Variants in SUPT6H observed in about 807,000 individuals in gnomAD.
The protein encoded by SUPT6H is SPT6 homolog, histone chaperone and transcription elongation factor, also known as transcription elongation factor SPT6.
Under a neutral mutation model 222.3 loss-of-function variants are expected in SUPT6H, and 11 were observed. That is an observed-to-expected ratio of 0.05 (90% CI 0.03 to 0.08). The LOEUF (loss-of-function observed/expected upper bound fraction) is 0.08. Ranked by LOEUF, SUPT6H falls within the 10% of genes least tolerant of loss-of-function variation. SUPT6H has a pLI of 1.00. For synonymous variants in SUPT6H, 762 were observed against 801.2 expected, an observed-to-expected ratio of 0.95 and a Z score of 0.83; for missense variants, 1,422 against 2,216.0, an observed-to-expected ratio of 0.64 and a Z score of 7.19.
intron 4 of SUPT6H, 107 bp from the exon 5 acceptor site, chr17:28,674,863 C>T (rs1327855787): frequency 3.7e-6 from 5 of 1,355,142 alleles, no homozygotes; most frequent in East Asian, 4.7e-5. Flanking sequence ...TTTCCCATCT[C>T]TCTTGGTCAG....
chr17:28,664,479 TG>T, intron 1 of SUPT6H, among the ~76,000 whole-genome samples: 1 of 152,228 alleles, frequency 6.6e-6, no homozygotes, highest in Admixed American at 6.5e-5. Context: ...CACTCCAGCA[TG>T]GGCAACAGAA....
At chr17:28,681,063 A>G (rs66583794) in intron 11 of SUPT6H, 193 bp from the exon 12 acceptor site, 56,609 of 574,004 alleles carry the variant, frequency 0.099, 3,181 homozygotes, top group East Asian at 0.15. Flanking sequence ...TGATCATCCC[A>G]TCTCCAGTCT....
chr17:28,678,755 G>A, intron 10 of SUPT6H, 66 bp from the exon 11 acceptor site: 1 of 1,612,986 alleles, frequency 6.2e-7, no homozygotes, highest in Non-Finnish European at 8.5e-7. Flanking sequence ...TTCTGGTAAG[G>A]ATCAGAGCAG....
chr17:28,686,553 C>G (rs939723202), intron 20 of SUPT6H, 101 bp from the exon 21 acceptor site: 1 of 1,540,096 alleles, frequency 6.5e-7, no homozygotes, highest in African/African-American at 1.4e-5. Flanking sequence ...ACCTCATTTT[C>G]TTCAAAGCCC....
chr17:28,685,058 A>G, intron 19 of SUPT6H, 97 bp downstream of exon 19: 1 of 1,175,674 alleles, frequency 8.5e-7, no homozygotes. Flanking sequence ...ATCCTATGCA[A>G]GACTGATTGT....
chr17:28,699,239 G>T (rs1030009145), intron 32 of SUPT6H, among the ~76,000 whole-genome samples: 2 of 152,198 alleles, frequency 1.3e-5, no homozygotes, highest in Admixed American at 1.3e-4. Flanking sequence ...GACAAATGAA[G>T]CAGAGATTCA....
At chr17:28,684,988 GTGTACATC>G in intron 19 of SUPT6H, 27 bp downstream of exon 19, 2 of 1,589,962 alleles carry the variant, frequency 1.3e-6, no homozygotes, top group Non-Finnish European at 1.7e-6. Flanking sequence ...AGGATACTAA[GTGTACATC>G]TGGAGTATGT....
chr17:28,697,078 G>A lies in SUPT6H; in HGVS notation c.4205G>A (p.Ser1402Asn), dbSNP rs149864735. The change falls in exon 30 of 37, where the codon AGT becomes AAT. Residue 1402 changes from serine (S) to asparagine (N), a missense_variant. Physicochemically the swap from Ser to Asn is conservative, Grantham distance 46. Coordinates refer to ENST00000314616, the MANE Select transcript of SUPT6H (RefSeq NM_003170.5). ...FSLGATLWIN[S>N]EEFEDLDEIV... is the part of the protein sequence containing the mutation. The stretch of plus-strand genomic sequence containing the variant: ...CTGGGAGCCACTCTGTGGATCAACA[G>A]TGAGGTGAGAGCCAGTGCCTGCCCA... 2 of 1,613,836 alleles carry A rather than the reference G, an allele frequency of 1.2e-6. No homozygotes were observed. Among genetic ancestry groups the A allele is most frequent in the Admixed American group, 1.7e-5 (1 of 59,996 alleles).
Position 28,697,090 on chromosome 17 carries a change from C to T in SUPT6H, c.4209+8C>T. 2 of 1,610,976 alleles carry T rather than the reference C, an allele frequency of 1.2e-6. No individual in the cohort carries two copies. Among genetic ancestry groups the T allele is most frequent in the Non-Finnish European group, 1.7e-6 (2 of 1,177,358 alleles). On this transcript the variant is annotated splice_region_variant and intron_variant, in intron 30 of 36. Coordinates refer to ENST00000314616, the MANE Select transcript of SUPT6H (RefSeq NM_003170.5). ...CTGTGGATCAACAGTGAGGTGAGAG[C>T]CAGTGCCTGCCCACCTCCCATCCCA...
At position 28,684,927 on chromosome 17, in the gene SUPT6H, G is replaced by A. The variant is rs199597434; in HGVS notation, c.2453G>A (p.Arg818Gln). Residue 818 changes from arginine to glutamine, a missense_variant, in exon 19 of 37, where the codon CGA becomes CAA. By Grantham distance (43) the Arg-to-Gln change is conservative (BLOSUM62 1). Transcript: ENST00000314616. The part of the protein sequence containing the change: ...FLRLPHFTKR[R>Q]TAWREEEREK... ...CGACTGCCCCATTTTACCAAACGGC[G>A]AACTGCATGGAGAGAGGAAGAGCGG... The A allele has an allele frequency of 2.7e-5, 44 of 1,614,150 alleles. No individual in the cohort carries two copies. The highest frequency in any genetic ancestry group is 3.4e-5 in the Non-Finnish European group (40 of 1,180,040).
rs1222388593 is a variant in SUPT6H, at chr17:28,683,770, A to T, written c.2183A>T (p.Glu728Val). ...QQFLYVQMAKELKNKLLAEAK... is the reference protein window; with the variant it reads ...QQFLYVQMAKVLKNKLLAEAK... ...TTCCTCTATGTGCAGATGGCCAAAG[A>T]ACTCAAGAACAAGCTGCTGGCTGAA... Residue 728 changes from glutamate to valine, a missense_variant, in exon 17 of 37, where the codon GAA becomes GTA. This residue lies in a region of SUPT6H where 294 missense variants were observed against 382.1 expected (regional missense o/e 0.77). Coordinates refer to ENST00000314616, the MANE Select transcript of SUPT6H (RefSeq NM_003170.5). 6.2e-7 allele frequency: 1 copy of T among 1,613,906 alleles called. No homozygotes were observed. The highest frequency in any genetic ancestry group is 2.2e-5 in the East Asian group (1 of 44,886).
At chr17:28,685,846 A>T (rs1199825051) in intron 19 of SUPT6H, among the ~76,000 whole-genome samples, 1 of 152,190 alleles carries the variant, frequency 6.6e-6, no homozygotes. Flanking sequence ...TTTTAGCAAA[A>T]GTCACACCAC....
Position 28,688,911 on chromosome 17 carries a change from T to C in SUPT6H, c.3135-443T>C, listed in dbSNP as rs2031516460. ...ATAGCTATCAGCAAATTTTCAAAGG[T>C]TTTTTTCCCCTTTCTTGATTTATCT... On this transcript the variant is annotated intron_variant, in intron 24 of 36. Coordinates refer to ENST00000314616, the MANE Select transcript of SUPT6H (RefSeq NM_003170.5). The surrounding 1 kb of genome is among the most constrained non-coding windows in gnomAD (Gnocchi z 4.3). 1 of 164,916 alleles carries C rather than the reference T, an allele frequency of 6.1e-6. No individual in the cohort carries two copies. Among genetic ancestry groups the C allele is most frequent in the African/African-American group, 2.4e-5 (1 of 41,476 alleles). 10.2% of individuals were successfully genotyped at this position (164,916 alleles called of 1,614,324 possible).
In SUPT6H at chr17:28,695,465, C is replaced by G. The variant is rs1421726418; in HGVS notation, c.3888C>G (p.Pro1296=). Residue 1296 remains proline (P), a synonymous_variant, in exon 29 of 37, where the codon CCC becomes CCG. Transcript: ENST00000314616. ...LMDRNNEWKL[P]KDTYYDFDAE... ...ACAGGAACAATGAGTGGAAGCTGCC[C>G]AAAGACACCTACTATGACTTTGATG... 6.2e-7 allele frequency: 1 copy of G among 1,614,100 alleles called. No homozygotes were observed. Among genetic ancestry groups the G allele is most frequent in the Admixed American group, 1.7e-5 (1 of 60,020 alleles).
chr17:28,701,398 T>C (rs2151671528), intron 36 of SUPT6H, 41 bp from the exon 37 acceptor site: 1 of 1,597,372 alleles, frequency 6.3e-7, no homozygotes, highest in Middle Eastern at 1.7e-4. Context: ...GAAGACTTCC[T>C]TCTAGCAAAG....
rs1203262150 is a variant in SUPT6H, at chr17:28,696,886, T to C, written c.4013T>C (p.Ile1338Thr). ...RVIAHPSFHNINFKQAEKMME... is the reference protein window; with the variant it reads ...RVIAHPSFHNTNFKQAEKMME... The stretch of plus-strand genomic sequence containing the variant: ...ATCGCACACCCATCCTTCCATAATA[T>C]CAATTTCAAGCAAGCAGAAAAGATG... The change falls in exon 30 of 37, where the codon ATC (isoleucine) becomes ACC (threonine). Residue 1338 changes from isoleucine (I) to threonine (T), a missense_variant. Physicochemically the swap from Ile to Thr is moderately conservative, Grantham distance 89 (BLOSUM62 -1). This residue lies in a region of SUPT6H where 395 missense variants were observed against 580.6 expected (regional missense o/e 0.68). Coordinates refer to ENST00000314616, the MANE Select transcript of SUPT6H (RefSeq NM_003170.5). The C allele has an allele frequency of 8.7e-6, 14 of 1,613,720 alleles. No homozygotes were observed. The highest frequency in any genetic ancestry group is 1.1e-5 in the Non-Finnish European group (13 of 1,180,002).
intron 29 of SUPT6H, 60 bp from the exon 30 acceptor site, chr17:28,696,784 C>G: frequency 6.8e-7 from 1 of 1,477,310 alleles, no homozygotes; most frequent in East Asian, 2.3e-5. Context: ...CTGGTTTGTC[C>G]TGTTGCTGCC....
At position 28,687,353 on chromosome 17, in the gene SUPT6H, T is replaced by C; in HGVS notation, c.2888T>C (p.Ile963Thr). The C allele has an allele frequency of 3.7e-6, 6 of 1,614,192 alleles. No individual in the cohort carries two copies. The highest frequency in any genetic ancestry group is 5.1e-6 in the Non-Finnish European group (6 of 1,180,038). Residue 963 changes from isoleucine to threonine, a missense_variant, in exon 23 of 37, where the codon ATC (isoleucine) becomes ACC (threonine). By Grantham distance (89) the Ile-to-Thr change is moderately conservative. Transcript: ENST00000314616. ...CTCAACGCCTTGTACTGTGAATTTA[T>C]CAACCGAGTCAATGAGGTCGGGGTC... ...ELLNALYCEFINRVNEVGVDV... is the reference protein window; with the variant it reads ...ELLNALYCEFTNRVNEVGVDV...
rs112266909 is a variant in SUPT6H at position 28,693,512 on chromosome 17, A to G, written c.3634-184A>G. ...TGGCCAGTGGTGCCAAGCATCAGCT[A>G]TGAGACAAGGGACTTTGTAGATGGT... On this transcript the variant is annotated intron_variant, in intron 27 of 36. Coordinates refer to ENST00000314616, the MANE Select transcript of SUPT6H (RefSeq NM_003170.5). 8.2e-3 allele frequency among the ~76,000 whole-genome samples: 1,251 copies of G among 152,352 alleles called. 15 individuals are homozygous for G. The highest frequency in any genetic ancestry group is 0.028 in the African/African-American group (1,183 of 41,570).
Sources: allele counts gnomAD v4.1 joint callset (sites outside exome capture counted in the v4.1 genomes callset), GRCh38; gene constraint gnomAD v4.1.1; regional missense constraint gnomAD v4.1.1; non-coding constraint Gnocchi (gnomAD v3.1); transcripts MANE v1.5; gene names NCBI Gene and HGNC (gene_info 2026-07-23, HGNC 2026-07-21).